PDLIM3: variants seen among roughly 807,000 people sequenced by gnomAD.
The protein encoded by PDLIM3 is PDZ and LIM domain 3, also known as PDZ and LIM domain protein 3.
A neutral mutation model predicts 37.3 loss-of-function variants in PDLIM3; 36 were observed. The observed-to-expected ratio is 0.97, with a 90% confidence interval of 0.74 to 1.28. PDLIM3 has a LOEUF of 1.28. Ranked by LOEUF, PDLIM3 falls within the 50% of genes most tolerant of loss-of-function variation. The probability of loss-of-function intolerance (pLI) is 0.00; values close to 1 mark genes in which losing one functional copy is unlikely to be tolerated. For synonymous variants in PDLIM3, 174 were observed against 182.4 expected, an observed-to-expected ratio of 0.95 and a Z score of 0.37; for missense variants, 454 against 485.0, an observed-to-expected ratio of 0.94 and a Z score of 0.60.
Position 185,525,209 on chromosome 4 carries a change from C to A in PDLIM3, c.94-38G>T, listed in dbSNP as rs28668817. On this transcript the variant is annotated intron_variant, in intron 1 of 7. Transcript: ENST00000284767. The stretch of plus-strand genomic sequence containing the variant: ...ATGGCACTATTTAAAAACCAACATC[C>A]CGCAGTATCTTGAGTTTTGTGCCTG... The A allele has an allele frequency of 3.9e-3, 6,194 of 1,608,454 alleles. 200 individuals are homozygous for A. In the African/African-American group the frequency reaches 0.075, roughly 19 times the overall value.
intron 1 of PDLIM3, among the ~76,000 whole-genome samples, chr4:185,529,224 A>C (rs183662170): frequency 6.6e-6 from 1 of 152,350 alleles, no homozygotes; most frequent in East Asian, 1.9e-4. Context: ...AATCAGGAAC[A>C]GAATCTCTAG....
Position 185,508,372 on chromosome 4 carries a change from A to G in PDLIM3, c.589T>C (p.Tyr197His). 1 of 1,614,140 alleles carries G rather than the reference A, an allele frequency of 6.2e-7. No homozygotes were observed. The highest frequency in any genetic ancestry group is 8.5e-7 in the Non-Finnish European group (1 of 1,179,966). ...HAQFNTPMQL[Y>H]SDDNIMETLQ... ...GTTTCCATAATATTGTCATCTGAGT[A>G]CAACTGCATAGGTGTATTAAACTGA... The change falls in exon 5 of 8, where the codon TAC becomes CAC. Residue 197 changes from tyrosine (Y) to histidine (H), a missense_variant. Transcript: ENST00000284767.
chr4:185,514,088 T>C lies in PDLIM3; in HGVS notation c.398+182A>G. 2 of 1,494,110 alleles carry C rather than the reference T, an allele frequency of 1.3e-6. No individual in the cohort carries two copies. Among genetic ancestry groups the C allele is most frequent in the South Asian group, 1.3e-5 (1 of 76,868 alleles). The allele number at this position is 1,494,110 out of a possible 1,614,324, so 92.6% of individuals were successfully genotyped here. ...CTGTCATCTTGTCAATATTTACTCT[T>C]GGAAATGCAAGTTATTTGGCTTCTG... On this transcript the variant is annotated intron_variant, in intron 4 of 7. Coordinates refer to ENST00000284767, the MANE Select transcript of PDLIM3 (RefSeq NM_014476.6). The surrounding 1 kb of genome is among the most constrained non-coding windows in gnomAD (Gnocchi z 4.0).
Position 185,504,528 on chromosome 4 carries a change from AC to A in PDLIM3, c.851del (p.Gly284ValfsTer18). The A allele has an allele frequency of 1.2e-6, 2 of 1,614,182 alleles. No homozygotes were observed. The highest frequency in any genetic ancestry group is 1.7e-6 in the Non-Finnish European group (2 of 1,180,026). On this transcript the variant is annotated frameshift_variant, in exon 7 of 8. Transcript: ENST00000284767. LOFTEE classifies it high-confidence loss of function. This position sits in a 1 kb window ranked among gnomAD's most constrained non-coding sequence, Gnocchi z 4.7. ...VRAPVTKVHG[G>X]SGGAQRMPLC... ...GCGGCATCCTCTGTGCCCCGCCTGA[AC>A]CGCCATGGACTTTCGTCACCGGAGC...
At chr4:185,534,534 A>C (rs2095750038) in intron 1 of PDLIM3, among the ~76,000 whole-genome samples, 1 of 152,224 alleles carries the variant, frequency 6.6e-6, no homozygotes, top group Non-Finnish European at 1.5e-5. Flanking sequence ...CTGACAGGAG[A>C]GAAACCCTGA....
intron 1 of PDLIM3, 25 bp downstream of exon 1, chr4:185,535,317 C>T: frequency 6.3e-7 from 1 of 1,590,142 alleles, no homozygotes. Context: ...CACCTCGCAG[C>T]AAAAGCAAGA....
chr4:185,514,932 A>G lies in PDLIM3; in HGVS notation c.331-595T>C, dbSNP rs1291202545. 1.3e-6 allele frequency: 2 copies of G among 1,502,744 alleles called. No homozygotes were observed. The highest frequency in any genetic ancestry group is 1.4e-5 in the African/African-American group (1 of 71,776). 93.1% of individuals were successfully genotyped at this position (1,502,744 alleles called of 1,614,324 possible). A position where few individuals can be genotyped will look rare whatever the true frequency, so the allele number is the denominator to read the frequency against. On this transcript the variant is annotated intron_variant, in intron 3 of 7. Transcript: ENST00000284767. This position sits in a 1 kb window ranked among gnomAD's most constrained non-coding sequence, Gnocchi z 4.0. ...AAAATACACAGCCACACAGCGCACA[A>G]GAAAGCCATTAGTGAGCGAAACCAA...
rs143743832 is a variant in PDLIM3, at chr4:185,511,188, A to G, written c.399-2626T>C. 9.8e-5 allele frequency among the ~76,000 whole-genome samples: 15 copies of G among 152,358 alleles called. No homozygotes were observed. In the East Asian group the frequency reaches 2.7e-3, roughly 27 times the overall value. ...GGATTGCATTTTATCATTTGGATCTAAAATACCTTACATATGTATTTAATT... is the reference window on the plus strand; with the variant it reads ...GGATTGCATTTTATCATTTGGATCTGAAATACCTTACATATGTATTTAATT... On this transcript the variant is annotated intron_variant, in intron 4 of 7. Coordinates refer to ENST00000284767, the MANE Select transcript of PDLIM3 (RefSeq NM_014476.6).
Position 185,504,701 on chromosome 4 carries a change from G to A in PDLIM3, c.794-115C>T, listed in dbSNP as rs566789158. 132 of 777,068 alleles carry A rather than the reference G, an allele frequency of 1.7e-4. 2 individuals carry two copies. In the East Asian group the frequency reaches 3.5e-3, roughly 20 times the overall value. 48.1% of individuals were successfully genotyped at this position (777,068 alleles called of 1,614,324 possible). A position where few individuals can be genotyped will look rare whatever the true frequency, so the allele number is the denominator to read the frequency against. On this transcript the variant is annotated intron_variant, in intron 6 of 7. Coordinates refer to ENST00000284767, the MANE Select transcript of PDLIM3 (RefSeq NM_014476.6). The surrounding 1 kb of genome is among the most constrained non-coding windows in gnomAD (Gnocchi z 4.7). Reference sequence around the variant, plus strand: ...GAAGTTGCATCTGCACCGTCATTCCGAGAGGGGCAGGACTGATGCAATCAT... The same window carrying A: ...GAAGTTGCATCTGCACCGTCATTCCAAGAGGGGCAGGACTGATGCAATCAT...
At chr4:185,534,289 T>G (rs905532898) in intron 1 of PDLIM3, among the ~76,000 whole-genome samples, 1 of 152,170 alleles carries the variant, frequency 6.6e-6, no homozygotes, top group African/African-American at 2.4e-5. Flanking sequence ...TATGAGCAGA[T>G]CAATCAGATT....
Position 185,502,634 on chromosome 4 carries a change from T to G in PDLIM3, c.906-151A>C, listed in dbSNP as rs145008987. 5.6e-4 allele frequency: 410 copies of G among 732,112 alleles called. 2 individuals are homozygous for G. The African/African-American group carries it at 6.2e-3, about 11-fold the overall frequency. 45.4% of individuals were successfully genotyped at this position (732,112 alleles called of 1,614,324 possible). On this transcript the variant is annotated intron_variant, in intron 7 of 7. Transcript: ENST00000284767. Reference sequence around the variant, plus strand: ...GTGAAAGCAGGCACAGCCGTGAAACTGTATGTAATTGTCATGGAGATCTAG... The same window carrying G: ...GTGAAAGCAGGCACAGCCGTGAAACGGTATGTAATTGTCATGGAGATCTAG...
chr4:185,501,922 AC>A lies in PDLIM3; in HGVS notation c.*371del. 1 of 327,222 alleles carries A rather than the reference AC, an allele frequency of 3.1e-6. No individual in the cohort carries two copies. The highest frequency in any genetic ancestry group is 5.9e-6 in the Non-Finnish European group (1 of 169,982). 20.3% of individuals were successfully genotyped at this position (327,222 alleles called of 1,614,324 possible). A position where few individuals can be genotyped will look rare whatever the true frequency, so the allele number is the denominator to read the frequency against. On this transcript the variant is annotated 3_prime_UTR_variant, in exon 8 of 8. Coordinates refer to ENST00000284767, the MANE Select transcript of PDLIM3 (RefSeq NM_014476.6). ...AATACAAGATTGTTATTTGCTATTT[AC>A]CACAATTGCAAAATCAACTTGTCAA...
rs139195658 is a variant in PDLIM3, at chr4:185,529,845, C to T, written c.94-4674G>A. Among the ~76,000 whole-genome samples, 83 of 152,254 alleles carry T rather than the reference C, an allele frequency of 5.5e-4. 1 individual carries two copies. The highest frequency in any genetic ancestry group is 1.8e-3 in the African/African-American group (76 of 41,546). ...GAAGCTTGGTTAGGGTCCCACATCC[C>T]GAGAAAACCTGAAATTCCCATCTGG... On this transcript the variant is annotated intron_variant, in intron 1 of 7. Transcript: ENST00000284767.
chr4:185,503,239 T>TAAG (rs141365652), intron 7 of PDLIM3, among the ~76,000 whole-genome samples: 1 of 151,436 alleles, frequency 6.6e-6, no homozygotes, highest in Non-Finnish European at 1.5e-5. Context: ...ACAACAACAA[T>TAAG]AACAACAAAA....
chr4:185,514,682 A>G lies in PDLIM3; in HGVS notation c.331-345T>C. 3 of 1,548,186 alleles carry G rather than the reference A, an allele frequency of 1.9e-6. No individual in the cohort carries two copies. The highest frequency in any genetic ancestry group is 1.2e-5 in the South Asian group (1 of 83,684). The stretch of plus-strand genomic sequence containing the variant: ...TATCACTGTTAGGTACACTGTGGCC[A>G]GAACAGAGCCGGATACTTACTTTTG... On this transcript the variant is annotated intron_variant, in intron 3 of 7. Coordinates refer to ENST00000284767, the MANE Select transcript of PDLIM3 (RefSeq NM_014476.6). This position sits in a 1 kb window ranked among gnomAD's most constrained non-coding sequence, Gnocchi z 4.0.
chr4:185,524,946 G>A, intron 2 of PDLIM3, 74 bp downstream of exon 2: 3 of 1,465,832 alleles, frequency 2.0e-6, no homozygotes, highest in Non-Finnish European at 2.9e-6. Flanking sequence ...CTGGGAGGAT[G>A]AAGTTATTTA....
At chr4:185,523,261 G>T in intron 3 of PDLIM3, 101 bp downstream of exon 3, 1 of 750,100 alleles carries the variant, frequency 1.3e-6, no homozygotes, top group Non-Finnish European at 2.4e-6. Flanking sequence ...CTTCATAGGT[G>T]GCTTGTTCCA....
chr4:185,514,919 C>T lies in PDLIM3; in HGVS notation c.331-582G>A. On this transcript the variant is annotated intron_variant, in intron 3 of 7. Coordinates refer to ENST00000284767, the MANE Select transcript of PDLIM3 (RefSeq NM_014476.6). This position sits in a 1 kb window ranked among gnomAD's most constrained non-coding sequence, Gnocchi z 4.0. ...TACAATGGCAGACAAAATACACAGCCACACAGCGCACAAGAAAGCCATTAG... is the reference window on the plus strand; with the variant it reads ...TACAATGGCAGACAAAATACACAGCTACACAGCGCACAAGAAAGCCATTAG... The T allele has an allele frequency of 6.5e-7, 1 of 1,529,122 alleles. No homozygotes were observed. The highest frequency in any genetic ancestry group is 1.4e-5 in the African/African-American group (1 of 72,518). 94.7% of individuals were successfully genotyped at this position (1,529,122 alleles called of 1,614,324 possible). A position where few individuals can be genotyped will look rare whatever the true frequency, so the allele number is the denominator to read the frequency against.
intron 5 of PDLIM3, 31 bp from the exon 6 acceptor site, chr4:185,506,683 C>A: frequency 6.3e-7 from 1 of 1,599,346 alleles, no homozygotes; most frequent in Non-Finnish European, 8.5e-7. Flanking sequence ...GGAGCATCGT[C>A]AGGTGCTGGG....
Sources: gnomAD v4.1 joint callset for allele counts (sites outside exome capture counted in the v4.1 genomes callset) on GRCh38, gnomAD v4.1.1 for gene constraint, Gnocchi (gnomAD v3.1) non-coding constraint, MANE v1.5 for transcripts, NCBI Gene and HGNC (gene_info 2026-07-23, HGNC 2026-07-21) for gene names.